Variants in LRRC4C observed in about 807,000 individuals in gnomAD.
LRRC4C encodes the protein leucine rich repeat containing 4C, also known as leucine-rich repeat-containing protein 4C.
In LRRC4C, 5 loss-of-function variants were observed where a neutral mutation model predicts 33.6. That is an observed-to-expected ratio of 0.15 (90% confidence interval 0.08 to 0.31). The LOEUF (loss-of-function observed/expected upper bound fraction) is 0.31. LRRC4C is among the 10% of genes least tolerant of loss of function. The probability of loss-of-function intolerance (pLI) is 1.00; values close to 1 mark genes in which losing one functional copy is unlikely to be tolerated. For missense variants in LRRC4C, 560 were observed against 796.7 expected, an observed-to-expected ratio of 0.70 and a Z score of 3.58; for synonymous variants, 329 against 302.0, an observed-to-expected ratio of 1.09 and a Z score of -0.93.
chr11:40,149,812 T>C (rs1331746071), intron 5 of LRRC4C, among the ~76,000 whole-genome samples: 1 of 152,194 alleles, frequency 6.6e-6, no homozygotes, highest in Non-Finnish European at 1.5e-5. Context: ...AATGTTGTAC[T>C]TAAAGAATAA....
chr11:41,343,430 C>T (rs532752737), intron 1 of LRRC4C, among the ~76,000 whole-genome samples: 1 of 152,300 alleles, frequency 6.6e-6, no homozygotes, highest in South Asian at 2.1e-4. Context: ...CCAAAATTTA[C>T]TGTTCGAATA....
intron 1 of LRRC4C, among the ~76,000 whole-genome samples, chr11:41,449,474 A>C (rs77824953): frequency 6.6e-6 from 1 of 151,102 alleles, no homozygotes; most frequent in Non-Finnish European, 1.5e-5. Flanking sequence ...CATAAGGAGC[A>C]AAAAAAAATG....
chr11:40,948,189 T>C (rs1272850270), intron 1 of LRRC4C, among the ~76,000 whole-genome samples: 1 of 152,084 alleles, frequency 6.6e-6, no homozygotes, highest in Non-Finnish European at 1.5e-5. Context: ...CTCAATATAC[T>C]CCATATTCAA....
intron 3 of LRRC4C, among the ~76,000 whole-genome samples, chr11:40,454,672 C>T (rs576618284): frequency 2.0e-5 from 3 of 152,226 alleles, no homozygotes; most frequent in African/African-American, 7.2e-5. Flanking sequence ...AATACCTATG[C>T]CTTCTACATC....
chr11:40,826,184 T>C (rs1952162376), intron 2 of LRRC4C, among the ~76,000 whole-genome samples: 1 of 152,022 alleles, frequency 6.6e-6, no homozygotes, highest in Admixed American at 6.6e-5. Context: ...ATTGCATACT[T>C]AATCATGGAA....
intron 5 of LRRC4C, among the ~76,000 whole-genome samples, chr11:40,179,356 A>G (rs1332870238): frequency 6.6e-6 from 1 of 152,126 alleles, no homozygotes; most frequent in Non-Finnish European, 1.5e-5. Flanking sequence ...TGTGTGCTAG[A>G]TGTTAAGTTT....
At chr11:41,406,233 A>T (rs1458853316) in intron 1 of LRRC4C, among the ~76,000 whole-genome samples, 1 of 152,154 alleles carries the variant, frequency 6.6e-6, no homozygotes, top group African/African-American at 2.4e-5. Context: ...AAATAAGCAG[A>T]TTTTTAAAAG....
At chr11:40,161,021 C>G (rs1859108454) in intron 5 of LRRC4C, among the ~76,000 whole-genome samples, 1 of 152,108 alleles carries the variant, frequency 6.6e-6, no homozygotes, top group South Asian at 2.1e-4. Flanking sequence ...ATCCTATAAC[C>G]AGATTATTTA....
chr11:40,856,379 G>A (rs1953783046), intron 2 of LRRC4C, among the ~76,000 whole-genome samples: 1 of 152,268 alleles, frequency 6.6e-6, no homozygotes, highest in South Asian at 2.1e-4. Context: ...ATAAAATGTT[G>A]TGGAAGTACG....
chr11:40,893,933 T>C (rs1015733150), intron 2 of LRRC4C, among the ~76,000 whole-genome samples: 1 of 152,104 alleles, frequency 6.6e-6, no homozygotes, highest in East Asian at 1.9e-4. Flanking sequence ...TTCTTGACAA[T>C]AAATTCAAAA....
chr11:40,288,117 A>G (rs371164372), intron 4 of LRRC4C, among the ~76,000 whole-genome samples: 4 of 152,146 alleles, frequency 2.6e-5, no homozygotes, highest in South Asian at 4.1e-4. Context: ...TATTACCTCT[A>G]TTTTACAGAT....
intron 1 of LRRC4C, among the ~76,000 whole-genome samples, chr11:41,188,463 C>T (rs899107234): frequency 6.6e-6 from 1 of 151,890 alleles, no homozygotes; most frequent in Non-Finnish European, 1.5e-5. Context: ...ACCTGGAAGC[C>T]AATCCCAGCT....
intron 2 of LRRC4C, among the ~76,000 whole-genome samples, chr11:40,695,393 C>T (rs1253514073): frequency 6.6e-6 from 1 of 152,116 alleles, no homozygotes; most frequent in African/African-American, 2.4e-5. Context: ...GACCTCATCT[C>T]CTTTGATTGC....
At chr11:40,618,559 T>C (rs908858556) in intron 3 of LRRC4C, among the ~76,000 whole-genome samples, 1 of 151,758 alleles carries the variant, frequency 6.6e-6, no homozygotes, top group Non-Finnish European at 1.5e-5. Flanking sequence ...ACTTTGATGG[T>C]GCATGGGAAA....
chr11:40,329,845 G>A (rs1462605860), intron 3 of LRRC4C, among the ~76,000 whole-genome samples: 2 of 150,378 alleles, frequency 1.3e-5, no homozygotes, highest in Non-Finnish European at 2.9e-5. Flanking sequence ...GGGTTCAAGC[G>A]ATTCTCCTGC....
At chr11:40,664,531 C>T (rs148740139) in intron 2 of LRRC4C, among the ~76,000 whole-genome samples, 3,089 of 141,434 alleles carry the variant, frequency 0.022, 105 homozygotes, top group African/African-American at 0.073. Flanking sequence ...AGCGAAAGAG[C>T]GAGACTCTGT....
intron 1 of LRRC4C, among the ~76,000 whole-genome samples, chr11:41,323,327 T>C (rs1247349126): frequency 2.0e-5 from 3 of 152,172 alleles, no homozygotes; most frequent in Non-Finnish European, 4.4e-5. Context: ...TGTTCTCCAA[T>C]CTTTTCCAAG....
intron 3 of LRRC4C, among the ~76,000 whole-genome samples, chr11:40,326,237 G>A (rs2136900352): frequency 6.6e-6 from 1 of 152,168 alleles, no homozygotes; most frequent in East Asian, 1.9e-4. Context: ...CTCACCCAGA[G>A]GGCTCAGGCT....
chr11:41,165,278 AG>A (rs1944669318), intron 1 of LRRC4C, among the ~76,000 whole-genome samples: 2 of 151,966 alleles, frequency 1.3e-5, no homozygotes, highest in South Asian at 4.2e-4. Flanking sequence ...CCCAGCAATA[AG>A]GGTATGGGAT....
Sources: gnomAD v4.1 joint callset for allele counts (sites outside exome capture counted in the v4.1 genomes callset) on GRCh38, gnomAD v4.1.1 for gene constraint, MANE v1.5 for transcripts, NCBI Gene and HGNC (gene_info 2026-07-23, HGNC 2026-07-21) for gene names.